UBAP1: variants seen among roughly 807,000 people sequenced by gnomAD.
UBAP1 encodes ubiquitin associated protein 1, also known as ubiquitin-associated protein 1.
Under a neutral mutation model 39.0 loss-of-function variants are expected in UBAP1, and 5 were observed. The observed-to-expected ratio is 0.13, with a 90% CI of 0.07 to 0.27. The LOEUF is 0.27. UBAP1 is among the 10% of genes least tolerant of loss of function. The pLI, the probability that UBAP1 is intolerant of heterozygous loss-of-function variation, is 1.00. For missense variants in UBAP1, 490 were observed against 608.1 expected, an observed-to-expected ratio of 0.81 and a Z score of 2.04; for synonymous variants, 211 against 225.1, an observed-to-expected ratio of 0.94 and a Z score of 0.56.
chr9:34,179,599 G>A (rs1331100711), intron 1 of UBAP1, among the ~76,000 whole-genome samples: 1 of 152,130 alleles, frequency 6.6e-6, no homozygotes, highest in Non-Finnish European at 1.5e-5. Flanking sequence ...TTTTAGTAAA[G>A]AAGGTGAGTG....
intron 1 of UBAP1, among the ~76,000 whole-genome samples, chr9:34,208,516 G>T (rs182086410): frequency 6.6e-6 from 1 of 152,000 alleles, no homozygotes; most frequent in South Asian, 2.1e-4. Flanking sequence ...GGTGGCTCAC[G>T]CCTGTAATCC....
At chr9:34,210,734 AT>A (rs545066753) in intron 1 of UBAP1, among the ~76,000 whole-genome samples, 34 of 146,560 alleles carry the variant, frequency 2.3e-4, no homozygotes, top group African/African-American at 4.8e-4. Flanking sequence ...AAAAAAAAAA[AT>A]TTTTTTTTTT....
intron 1 of UBAP1, among the ~76,000 whole-genome samples, chr9:34,216,904 ATAT>A (rs1404406311): frequency 5.3e-5 from 8 of 151,892 alleles, no homozygotes; most frequent in African/African-American, 1.9e-4. Context: ...AATATAGAAT[ATAT>A]TATTGTTAAC....
chr9:34,181,909 GATAATA>G (rs562174894), intron 1 of UBAP1, among the ~76,000 whole-genome samples: 1 of 150,112 alleles, frequency 6.7e-6, no homozygotes, highest in Non-Finnish European at 1.5e-5. Flanking sequence ...ATTCTGAAAA[GATAATA>G]ATAGATCTGT....
intron 1 of UBAP1, among the ~76,000 whole-genome samples, chr9:34,185,378 C>T (rs62556563): frequency 0.029 from 4,483 of 152,242 alleles, 99 homozygotes; most frequent in Non-Finnish European, 0.044. Flanking sequence ...TGAGACCTGT[C>T]TCTACAGAAG....
intron 2 of UBAP1, among the ~76,000 whole-genome samples, chr9:34,222,534 G>A (rs115910842): frequency 0.016 from 2,400 of 152,204 alleles, 78 homozygotes; most frequent in African/African-American, 0.055. Context: ...GCTCATGCCT[G>A]TAATCCCAAC....
intron 2 of UBAP1, among the ~76,000 whole-genome samples, chr9:34,229,350 C>T (rs1833285790): frequency 6.6e-6 from 1 of 151,886 alleles, no homozygotes; most frequent in Non-Finnish European, 1.5e-5. Context: ...CTCTGCATCC[C>T]AGGTTCAAGC....
intron 4 of UBAP1, 93 bp from the exon 5 acceptor site, chr9:34,249,686 G>A: frequency 1.6e-6 from 2 of 1,214,336 alleles, no homozygotes; most frequent in Non-Finnish European, 2.4e-6. Flanking sequence ...GGCTTGAATA[G>A]TGTCAGAAAT....
intron 4 of UBAP1, among the ~76,000 whole-genome samples, chr9:34,243,798 A>G (rs1474280028): frequency 6.6e-6 from 1 of 151,070 alleles, no homozygotes; most frequent in Non-Finnish European, 1.5e-5. Flanking sequence ...CCAATTAAAT[A>G]TTGACTATAA....
chr9:34,246,421 AT>A (rs1231690654), intron 4 of UBAP1, among the ~76,000 whole-genome samples: 1 of 152,226 alleles, frequency 6.6e-6, no homozygotes, highest in Admixed American at 6.5e-5. Flanking sequence ...TGGTAAAGAC[AT>A]TTTAGTGTGT....
chr9:34,181,201 G>A (rs1451379585), intron 1 of UBAP1, among the ~76,000 whole-genome samples: 2 of 138,852 alleles, frequency 1.4e-5, no homozygotes, highest in Middle Eastern at 4.1e-3. Context: ...TGCAAGCTCC[G>A]CCTCCCGGGC....
chr9:34,207,105 G>T (rs1344731039), intron 1 of UBAP1, among the ~76,000 whole-genome samples: 1 of 126,252 alleles, frequency 7.9e-6, no homozygotes, highest in Non-Finnish European at 1.6e-5. Flanking sequence ...AGGCTGGAGT[G>T]CAATGGTGTG....
intron 6 of UBAP1, 167 bp downstream of exon 6, chr9:34,250,926 C>T (rs764859104): frequency 2.3e-5 from 15 of 652,600 alleles, no homozygotes; most frequent in Admixed American, 1.3e-4. Flanking sequence ...CCGAGGCCTG[C>T]GTTTGGCTTG....
At chr9:34,192,716 A>G (rs1305827280) in intron 1 of UBAP1, among the ~76,000 whole-genome samples, 1 of 152,074 alleles carries the variant, frequency 6.6e-6, no homozygotes, top group Non-Finnish European at 1.5e-5. Context: ...CTGGGATTAT[A>G]GGCATGAGCC....
At chr9:34,243,651 G>T (rs116806910) in intron 4 of UBAP1, among the ~76,000 whole-genome samples, 1 of 151,898 alleles carries the variant, frequency 6.6e-6, no homozygotes, top group Admixed American at 6.6e-5. Context: ...TATCGTGCTC[G>T]GCTCATTTTT....
chr9:34,200,681 G>A (rs542153440), intron 1 of UBAP1, among the ~76,000 whole-genome samples: 134 of 152,198 alleles, frequency 8.8e-4, no homozygotes, highest in African/African-American at 3.0e-3. Flanking sequence ...AAGCTTATTA[G>A]TTGTCTTGAA....
intron 1 of UBAP1, among the ~76,000 whole-genome samples, chr9:34,217,219 G>A (rs1313304886): frequency 6.6e-6 from 1 of 152,114 alleles, no homozygotes; most frequent in Non-Finnish European, 1.5e-5. Context: ...CCTGTGAATG[G>A]CCCTAGGCAG....
At position 34,241,835 on chromosome 9, in the gene UBAP1, A is replaced by T. The variant is rs1833971258; in HGVS notation, c.810A>T (p.Lys270Asn). Residue 270 changes from lysine to asparagine, a missense_variant, in exon 4 of 7, where the codon AAA becomes AAT. Coordinates refer to ENST00000297661, the MANE Select transcript of UBAP1 (RefSeq NM_016525.5). ...ATATCAAATCCCTGTCTTTCCCCAA[A>T]CTTGACTCTGATGACAGCAATCAGA... The part of the protein sequence containing the change: ...VSNIKSLSFP[K>N]LDSDDSNQKT... 8 of 1,613,978 alleles carry T rather than the reference A, an allele frequency of 5.0e-6. No homozygotes were observed. Among genetic ancestry groups the T allele is most frequent in the African/African-American group, 1.3e-5 (1 of 74,976 alleles).
chr9:34,231,244 A>G (rs920722803), intron 2 of UBAP1, among the ~76,000 whole-genome samples: 4 of 150,946 alleles, frequency 2.6e-5, no homozygotes, highest in Non-Finnish European at 4.4e-5. Flanking sequence ...ATTTATTTTG[A>G]GATGGAGTTT....
Sources: gnomAD v4.1 joint callset for allele counts (sites outside exome capture counted in the v4.1 genomes callset) on GRCh38, gnomAD v4.1.1 for gene constraint, MANE v1.5 for transcripts, NCBI Gene and HGNC (gene_info 2026-07-23, HGNC 2026-07-21) for gene names.